The following GAPVD1 variants were observed in gnomAD, a reference collection of about 807,000 sequenced individuals.
GAPVD1 encodes GTPase activating protein and VPS9 domains 1.
GAPVD1 carries 35 observed loss-of-function variants against 155.5 expected under a neutral mutation model. The observed-to-expected ratio is 0.23, with a 90% CI of 0.17 to 0.30. The LOEUF (loss-of-function observed/expected upper bound fraction) is 0.30. Among genes scored for constraint, GAPVD1 ranks in the 10% least tolerant of loss-of-function variants. The probability of loss-of-function intolerance (pLI) is 1.00; values close to 1 mark genes in which losing one functional copy is unlikely to be tolerated. For synonymous variants in GAPVD1, 636 were observed against 619.7 expected (o/e 1.03, Z -0.39); for missense variants, 1,429 against 1,775.7 (o/e 0.80, Z 3.51).
chr9:125,278,899 T>G (rs1393566390), intron 2 of GAPVD1, among the ~76,000 whole-genome samples: 5 of 151,352 alleles, frequency 3.3e-5, no homozygotes, highest in Non-Finnish European at 7.4e-5. Context: ...GGGATAACAT[T>G]ATAGCAGGTC....
chr9:125,344,438 T>C (rs973012168), intron 19 of GAPVD1, among the ~76,000 whole-genome samples: 15 of 152,232 alleles, frequency 9.9e-5, no homozygotes, highest in African/African-American at 3.6e-4. Flanking sequence ...GTTCTCTTAC[T>C]AATGGCTATT....
intron 25 of GAPVD1, 62 bp downstream of exon 25, chr9:125,355,919 A>G (rs761912970): frequency 2.2e-6 from 2 of 910,890 alleles, no homozygotes; most frequent in Non-Finnish European, 3.7e-6. Flanking sequence ...GGTAGCCCAT[A>G]TTTTAGGCAA....
chr9:125,274,614 C>A (rs567433885), intron 2 of GAPVD1, among the ~76,000 whole-genome samples: 1 of 152,020 alleles, frequency 6.6e-6, no homozygotes, highest in South Asian at 2.1e-4. Context: ...CAGGCATGCA[C>A]CACCACGCCT....
chr9:125,337,176 G>A (rs1367966684), intron 16 of GAPVD1, 45 bp from the exon 17 acceptor site: 3 of 1,610,980 alleles, frequency 1.9e-6, no homozygotes, highest in Admixed American at 3.3e-5. Context: ...GCCTTTGTTA[G>A]ATATGTTGTG....
At chr9:125,268,532 G>T (rs1448220933) in intron 1 of GAPVD1, among the ~76,000 whole-genome samples, 4 of 142,526 alleles carry the variant, frequency 2.8e-5, no homozygotes, top group Non-Finnish European at 4.5e-5. Flanking sequence ...CAAGGTCTTG[G>T]TCTGTCATGC....
chr9:125,296,839 T>C (rs543638369), intron 3 of GAPVD1, among the ~76,000 whole-genome samples: 106 of 151,724 alleles, frequency 7.0e-4, no homozygotes, highest in African/African-American at 2.4e-3. Flanking sequence ...TTTGTATTTT[T>C]AGTAGAGACA....
At chr9:125,287,610 C>T (rs1352714167) in intron 2 of GAPVD1, among the ~76,000 whole-genome samples, 1 of 152,156 alleles carries the variant, frequency 6.6e-6, no homozygotes, top group African/African-American at 2.4e-5. Context: ...TGGATTGAAG[C>T]AAGATTGTGC....
At chr9:125,309,470 GA>G (rs1345974375) in intron 8 of GAPVD1, among the ~76,000 whole-genome samples, 2 of 152,092 alleles carry the variant, frequency 1.3e-5, no homozygotes, top group Non-Finnish European at 2.9e-5. Context: ...CAGTAGCTGG[GA>G]TTATAGATGC....
chr9:125,342,138 T>G, intron 18 of GAPVD1, 81 bp from the exon 19 acceptor site: 1 of 712,402 alleles, frequency 1.4e-6, no homozygotes, highest in Non-Finnish European at 2.5e-6. Flanking sequence ...CTCCTTTCAC[T>G]TAGAAATGTT....
At chr9:125,327,703 C>T (rs1267811957) in intron 12 of GAPVD1, among the ~76,000 whole-genome samples, 1 of 151,986 alleles carries the variant, frequency 6.6e-6, no homozygotes, top group African/African-American at 2.4e-5. Context: ...GGGGTTTCAC[C>T]ATATTGGCCA....
At chr9:125,349,982 C>T (rs1849078025) in intron 21 of GAPVD1, among the ~76,000 whole-genome samples, 2 of 152,144 alleles carry the variant, frequency 1.3e-5, no homozygotes, top group Non-Finnish European at 2.9e-5. Context: ...TCCGTGGTCC[C>T]TCCCACTCTG....
intron 9 of GAPVD1, among the ~76,000 whole-genome samples, chr9:125,318,189 G>T (rs1843733772): frequency 6.6e-6 from 1 of 152,144 alleles, no homozygotes; most frequent in Non-Finnish European, 1.5e-5. Flanking sequence ...TTCACTTTAT[G>T]TTGGCCAGGT....
intron 15 of GAPVD1, 39 bp from the exon 16 acceptor site, chr9:125,336,979 G>T (rs2131978700): frequency 8.6e-7 from 1 of 1,157,444 alleles, no homozygotes; most frequent in African/African-American, 1.5e-5. Flanking sequence ...CGTCTGTCCT[G>T]CGTCCTGGCT....
At chr9:125,276,700 A>G (rs1249777591) in intron 2 of GAPVD1, among the ~76,000 whole-genome samples, 1 of 152,170 alleles carries the variant, frequency 6.6e-6, no homozygotes, top group Non-Finnish European at 1.5e-5. Context: ...AAACACACAA[A>G]GAAATTTCAG....
intron 6 of GAPVD1, among the ~76,000 whole-genome samples, chr9:125,305,599 G>C (rs1841655465): frequency 6.6e-6 from 1 of 152,090 alleles, no homozygotes; most frequent in Non-Finnish European, 1.5e-5. Context: ...TTGAACTCAT[G>C]GCCTCGTGAT....
intron 2 of GAPVD1, among the ~76,000 whole-genome samples, chr9:125,293,852 T>TATATATA (rs1839177348): frequency 4.8e-4 from 17 of 35,192 alleles, no homozygotes; most frequent in South Asian, 2.0e-3. Flanking sequence ...AAAATATATT[T>TATATATA]TATATATATA....
chr9:125,351,410 A>G (rs1177676209), intron 23 of GAPVD1, among the ~76,000 whole-genome samples: 1 of 152,198 alleles, frequency 6.6e-6, no homozygotes, highest in African/African-American at 2.4e-5. Flanking sequence ...TGCCTTCCCA[A>G]CAGTTGCCCA....
chr9:125,272,126 C>T (rs1247004414), intron 2 of GAPVD1, among the ~76,000 whole-genome samples: 1 of 151,940 alleles, frequency 6.6e-6, no homozygotes, highest in East Asian at 1.9e-4. Context: ...TGAGTTCAAG[C>T]GATTCTCCTG....
intron 24 of GAPVD1, among the ~76,000 whole-genome samples, chr9:125,355,288 T>G (rs1849908548): frequency 6.6e-6 from 1 of 152,182 alleles, no homozygotes; most frequent in Non-Finnish European, 1.5e-5. Context: ...ATATCTTTAG[T>G]AGAGATGGGG....
Sources: allele counts gnomAD v4.1 joint callset (sites outside exome capture counted in the v4.1 genomes callset), GRCh38; gene constraint gnomAD v4.1.1; transcripts MANE v1.5; gene names NCBI Gene and HGNC (gene_info 2026-07-23, HGNC 2026-07-21).